Variants in NUTM2E observed in about 807,000 individuals in gnomAD.
The protein encoded by NUTM2E is NUT family member 2E, also known as family with sequence similarity 22, member E.
In NUTM2E, 3 loss-of-function variants were observed where a neutral mutation model predicts 26.1. The ratio of observed to expected loss-of-function variants is 0.12; its 90% CI spans 0.05 to 0.30. The LOEUF is 0.30. NUTM2E is among the 10% of genes least tolerant of loss of function. The probability of loss-of-function intolerance (pLI) is 1.00; values close to 1 mark genes in which losing one functional copy is unlikely to be tolerated. For missense variants in NUTM2E, 62 were observed against 381.3 expected (o/e 0.16, Z 6.97); for synonymous variants, 13 against 157.5 (o/e 0.08, Z 6.87).
Position 79,841,108 on chromosome 10 carries a change from G to A in NUTM2E, c.-633G>A, listed in dbSNP as rs1841995745. On this transcript the variant is annotated 5_prime_UTR_variant, in exon 4 of 10. It adds an upstream start codon to the 5' untranslated region. Transcript: ENST00000429984. ...ACGTATGGTGAAGACGAGGCCAACA[G>A]TGAGCTGAGAGAGGCCAGCCAGGGT... Among the ~76,000 whole-genome samples the A allele has an allele frequency of 1.7e-5, 2 of 119,792 alleles. No individual in the cohort carries two copies. Among genetic ancestry groups the A allele is most frequent in the South Asian group, 6.6e-4 (2 of 3,042 alleles). The allele number at this position is 119,792 out of a possible 152,430, so 78.6% of individuals were successfully genotyped here.
intron 1 of NUTM2E, among the ~76,000 whole-genome samples, chr10:79,832,996 G>GTCGTA (rs1365563748): frequency 1.4e-4 from 22 of 151,732 alleles, no homozygotes; most frequent in African/African-American, 5.3e-4. Context: ...GCATGTTTGT[G>GTCGTA]TCGTATTTTG....
intron 1 of NUTM2E, among the ~76,000 whole-genome samples, chr10:79,831,124 C>T (rs1006923317): frequency 5.9e-5 from 9 of 151,704 alleles, no homozygotes; most frequent in African/African-American, 1.9e-4. Flanking sequence ...AACTCAATCA[C>T]CTCTAGAAAA....
rs1291177326 is a variant in NUTM2E, at chr10:79,838,524, G to A, written c.-2512G>A. Among the ~76,000 whole-genome samples, 22 of 148,756 alleles carry A rather than the reference G, an allele frequency of 1.5e-4. No individual in the cohort carries two copies. The highest frequency in any genetic ancestry group is 1.4e-3 in the South Asian group (6 of 4,424). On this transcript the variant is annotated 5_prime_UTR_variant, in exon 2 of 10. Coordinates refer to ENST00000429984, the MANE Select transcript of NUTM2E (RefSeq NM_001355263.2). The stretch of plus-strand genomic sequence containing the variant: ...GCATTGTTTGGAATGTGAAAGGCAC[G>A]GCCGAGACACACTTTGAGGTTCCCA...
chr10:79,838,656 C>T (rs556169012), intron 2 of NUTM2E, among the ~76,000 whole-genome samples, 70 bp downstream of exon 2: 5 of 151,628 alleles, frequency 3.3e-5, no homozygotes, highest in Admixed American at 1.3e-4. Context: ...TGAACGCTTC[C>T]GCCTTGAGCA....
intron 1 of NUTM2E, among the ~76,000 whole-genome samples, chr10:79,828,916 T>C (rs1387806084): frequency 6.6e-6 from 1 of 151,822 alleles, no homozygotes; most frequent in Admixed American, 6.6e-5. Context: ...TTCCTAGTAT[T>C]AATATGGTGA....
At chr10:79,831,741 G>C (rs970838807) in intron 1 of NUTM2E, among the ~76,000 whole-genome samples, 12 of 151,756 alleles carry the variant, frequency 7.9e-5, no homozygotes, top group African/African-American at 2.9e-4. Flanking sequence ...TGAGAACTGA[G>C]ATTTACAAAA....
At position 79,841,172 on chromosome 10, in the gene NUTM2E, G is replaced by A. The variant is rs1202829145; in HGVS notation, c.-569G>A. Among the ~76,000 whole-genome samples the A allele has an allele frequency of 2.6e-5, 3 of 116,908 alleles. No homozygotes were observed. Among genetic ancestry groups the A allele is most frequent in the Non-Finnish European group, 5.5e-5 (3 of 54,516 alleles). 76.7% of individuals were successfully genotyped at this position (116,908 alleles called of 152,430 possible). On this transcript the variant is annotated 5_prime_UTR_variant, in exon 4 of 10. Transcript: ENST00000429984. ...GATGAGAAACAATCAGATAACACCT[G>A]TTTCCTCCAGGAAAGAAAATGTGGC...
Position 79,839,875 on chromosome 10 carries a change from G to A in NUTM2E, c.-1866G>A, listed in dbSNP as rs1841988414. 6.7e-6 allele frequency among the ~76,000 whole-genome samples: 1 copy of A among 150,040 alleles called. No homozygotes were observed. The highest frequency in any genetic ancestry group is 2.5e-5 in the African/African-American group (1 of 40,350). On this transcript the variant is annotated 5_prime_UTR_variant, in exon 4 of 10. It removes the in-frame stop codon of an upstream open reading frame in the 5' UTR. Coordinates refer to ENST00000429984, the MANE Select transcript of NUTM2E (RefSeq NM_001355263.2). ...GACAGCAGGGGCCGGAGGACTTTTAGCCACCACCTCCCATGGCCAGTCTTC... is the reference window on the plus strand; with the variant it reads ...GACAGCAGGGGCCGGAGGACTTTTAACCACCACCTCCCATGGCCAGTCTTC...
chr10:79,827,845 C>A (rs1185528072), intron 1 of NUTM2E, among the ~76,000 whole-genome samples: 1 of 144,888 alleles, frequency 6.9e-6, no homozygotes, highest in African/African-American at 2.6e-5. Context: ...CTATTGTTGC[C>A]CAGGCTGGCA....
intron 2 of NUTM2E, among the ~76,000 whole-genome samples, 26 bp from the exon 3 acceptor site, chr10:79,838,754 C>G (rs1841980029): frequency 6.6e-6 from 1 of 151,986 alleles, no homozygotes; most frequent in Admixed American, 6.6e-5. Flanking sequence ...TGATTACCTT[C>G]TGATCACCCT....
chr10:79,838,906 C>G lies in NUTM2E; in HGVS notation c.-2323C>G, dbSNP rs1295647248. On this transcript the variant is annotated 5_prime_UTR_variant, in exon 3 of 10. Transcript: ENST00000429984. ...GGGAGCGGTTGAGGGCGGCCGGCCT[C>G]GCGCTGGAACCTCGCCCGCCTCAAG... 6.7e-6 allele frequency among the ~76,000 whole-genome samples: 1 copy of G among 149,278 alleles called. No individual in the cohort carries two copies. Among genetic ancestry groups the G allele is most frequent in the Admixed American group, 6.7e-5 (1 of 15,020 alleles).
intron 1 of NUTM2E, among the ~76,000 whole-genome samples, chr10:79,833,156 T>C (rs1359440038): frequency 1.3e-5 from 2 of 151,920 alleles, no homozygotes; most frequent in African/African-American, 4.8e-5. Context: ...AGAGTAAGAA[T>C]GCCCACATGT....
intron 1 of NUTM2E, among the ~76,000 whole-genome samples, chr10:79,833,454 A>G (rs1309614539): frequency 3.5e-5 from 5 of 143,018 alleles, no homozygotes; most frequent in South Asian, 2.2e-4. Context: ...AAATTTTGCA[A>G]TCTATCCATC....
At position 79,841,193 on chromosome 10, in the gene NUTM2E, G is replaced by A. The variant is rs1212808054; in HGVS notation, c.-548G>A. On this transcript the variant is annotated 5_prime_UTR_variant, in exon 4 of 10. The change creates a new upstream start codon in the 5' untranslated region. Coordinates refer to ENST00000429984, the MANE Select transcript of NUTM2E (RefSeq NM_001355263.2). ...ACCTGTTTCCTCCAGGAAAGAAAAT[G>A]TGGCCAGGGAAAAGAGATGGGAGGA... is the stretch of plus-strand genomic sequence containing the variant. Among the ~76,000 whole-genome samples, 2 of 114,418 alleles carry A rather than the reference G, an allele frequency of 1.7e-5. No homozygotes were observed. Among genetic ancestry groups the A allele is most frequent in the Non-Finnish European group, 3.7e-5 (2 of 53,362 alleles). 75.1% of individuals were successfully genotyped at this position (114,418 alleles called of 152,430 possible).
intron 1 of NUTM2E, among the ~76,000 whole-genome samples, chr10:79,837,014 A>G (rs1841968192): frequency 6.6e-6 from 1 of 151,842 alleles, no homozygotes; most frequent in Non-Finnish European, 1.5e-5. Context: ...AAAAATTGTG[A>G]AACATTCATC....
chr10:79,838,613 G>A (rs1364937214), intron 2 of NUTM2E, among the ~76,000 whole-genome samples, 27 bp downstream of exon 2: 2 of 148,834 alleles, frequency 1.3e-5, no homozygotes, highest in African/African-American at 4.9e-5. Context: ...AGCGCGGCCT[G>A]GGCATCCCGC....
In NUTM2E at chr10:79,827,219, C is replaced by T. The variant is rs892836447; in HGVS notation, c.-2866C>T. On this transcript the variant is annotated 5_prime_UTR_variant, in exon 1 of 10. Coordinates refer to ENST00000429984, the MANE Select transcript of NUTM2E (RefSeq NM_001355263.2). ...CCATCTGTGTCTTTCGCTCTCGAGCCCCCAGCTAGAGTTGGCTTCAGCGGA... is the reference window on the plus strand; with the variant it reads ...CCATCTGTGTCTTTCGCTCTCGAGCTCCCAGCTAGAGTTGGCTTCAGCGGA... 6.6e-6 allele frequency: 1 copy of T among 152,360 alleles called. No individual in the cohort carries two copies. The highest frequency in any genetic ancestry group is 2.4e-5 in the African/African-American group (1 of 41,200). 9.4% of individuals were successfully genotyped at this position (152,360 alleles called of 1,614,324 possible).
At chr10:79,829,735 T>G (rs1841914687) in intron 1 of NUTM2E, among the ~76,000 whole-genome samples, 1 of 151,568 alleles carries the variant, frequency 6.6e-6, no homozygotes, top group Non-Finnish European at 1.5e-5. Context: ...TCTGACACCC[T>G]AGGTCTCAGC....
At chr10:79,833,584 T>C (rs1369574146) in intron 1 of NUTM2E, among the ~76,000 whole-genome samples, 1 of 151,742 alleles carries the variant, frequency 6.6e-6, no homozygotes, top group African/African-American at 2.4e-5. Context: ...AAGGCATTTA[T>C]GTGGCCAAAA....
Sources: allele counts gnomAD v4.1 joint callset (sites outside exome capture counted in the v4.1 genomes callset), GRCh38; gene constraint gnomAD v4.1.1; transcripts MANE v1.5; gene names NCBI Gene and HGNC (gene_info 2026-07-23, HGNC 2026-07-21).